Variants in LRRC7 observed in about 807,000 individuals in gnomAD.
LRRC7 encodes leucine rich repeat containing 7, also known as leucine-rich repeat-containing protein 7.
LRRC7 carries 23 observed loss-of-function variants against 175.7 expected under a neutral mutation model. The ratio of observed to expected loss-of-function variants is 0.13; its 90% CI spans 0.09 to 0.19. The LOEUF is 0.19. Ranked by LOEUF, LRRC7 falls within the 10% of genes least tolerant of loss-of-function variation. The pLI, the probability that LRRC7 is intolerant of heterozygous loss-of-function variation, is 1.00. For synonymous variants in LRRC7, 685 were observed against 680.9 expected (o/e 1.01, Z -0.09); for missense variants, 1,354 against 1,904.7 (o/e 0.71, Z 5.38).
chr1:70,017,062 G>C (rs951213042), intron 14 of LRRC7, among the ~76,000 whole-genome samples: 7 of 152,092 alleles, frequency 4.6e-5, no homozygotes, highest in African/African-American at 1.7e-4. Flanking sequence ...CAGATCACTT[G>C]AGGTCAGGAG....
intron 7 of LRRC7, among the ~76,000 whole-genome samples, chr1:69,855,380 T>C (rs1461860643): frequency 2.6e-5 from 4 of 152,200 alleles, no homozygotes; most frequent in Admixed American, 6.5e-5. Context: ...CATTTTGTTA[T>C]GTACCCAGTA....
At chr1:69,735,736 T>C (rs1668041020) in intron 2 of LRRC7, among the ~76,000 whole-genome samples, 1 of 152,108 alleles carries the variant, frequency 6.6e-6, no homozygotes, top group Admixed American at 6.6e-5. Context: ...ATCATTTTTC[T>C]ACATGGTATT....
At chr1:69,791,795 A>T (rs1000325747) in intron 3 of LRRC7, among the ~76,000 whole-genome samples, 2 of 151,952 alleles carry the variant, frequency 1.3e-5, no homozygotes, top group African/African-American at 4.8e-5. Flanking sequence ...TGAGAGTGGT[A>T]AAAGAAGGGG....
intron 3 of LRRC7, among the ~76,000 whole-genome samples, chr1:69,790,613 A>C (rs780794025): frequency 3.9e-5 from 6 of 151,970 alleles, no homozygotes; most frequent in Admixed American, 2.0e-4. Context: ...TCTGTAACTG[A>C]CCACACTGTA....
Position 69,615,666 on chromosome 1 carries a change from G to A in LRRC7, c.2+47025G>A, listed in dbSNP as rs549061195. 8.9e-4 allele frequency among the ~76,000 whole-genome samples: 135 copies of A among 152,018 alleles called. 1 individual carries two copies. In the Middle Eastern group the frequency reaches 0.024, roughly 27 times the overall value. ...TATATACATGCAATTTTATATACATGCATATACATATAATTGTTAATAAAG... is the reference window on the plus strand; with the variant it reads ...TATATACATGCAATTTTATATACATACATATACATATAATTGTTAATAAAG... On this transcript the variant is annotated intron_variant, in intron 1 of 26. Coordinates refer to ENST00000651989, the MANE Select transcript of LRRC7 (RefSeq NM_001370785.2).
intron 7 of LRRC7, among the ~76,000 whole-genome samples, chr1:69,898,417 ATAAC>A (rs1207030302): frequency 1.2e-4 from 19 of 152,384 alleles, no homozygotes; most frequent in African/African-American, 4.3e-4. Flanking sequence ...GTACCACACA[ATAAC>A]TAACTGTGAT....
chr1:69,889,638 C>G (rs1421214627), intron 7 of LRRC7, among the ~76,000 whole-genome samples: 2 of 152,170 alleles, frequency 1.3e-5, no homozygotes, highest in East Asian at 3.9e-4. Context: ...AAAGCTCTGT[C>G]TCTACAAAAA....
chr1:70,010,401 A>C (rs899376817), intron 11 of LRRC7, among the ~76,000 whole-genome samples: 1 of 152,096 alleles, frequency 6.6e-6, no homozygotes, highest in Non-Finnish European at 1.5e-5. Context: ...CCCCATCTCT[A>C]CTAAAAATAC....
Position 70,136,545 on chromosome 1 carries a change from A to T in LRRC7, c.*14658A>T, listed in dbSNP as rs1224535397. Among the ~76,000 whole-genome samples the T allele has an allele frequency of 6.6e-6, 1 of 152,140 alleles. No individual in the cohort carries two copies. The highest frequency in any genetic ancestry group is 1.5e-5 in the Non-Finnish European group (1 of 68,016). ...ATTATAAGAACAATGGAAGATATAAATAAGCCATGGTCCTACCCCTCAAGA... is the reference window on the plus strand; with the variant it reads ...ATTATAAGAACAATGGAAGATATAATTAAGCCATGGTCCTACCCCTCAAGA... On this transcript the variant is annotated 3_prime_UTR_variant, in exon 27 of 27. Transcript: ENST00000651989.
rs543521600 is a variant in LRRC7, at chr1:70,123,783, A to G, written c.*1896A>G. Among the ~76,000 whole-genome samples, 17 of 152,314 alleles carry G rather than the reference A, an allele frequency of 1.1e-4. No homozygotes were observed. The highest frequency in any genetic ancestry group is 3.8e-4 in the African/African-American group (16 of 41,586). ...AGCCACCATATCCAGATATTATAGG[A>G]TGATCATCATTAATCAAGACAGAGG... On this transcript the variant is annotated 3_prime_UTR_variant, in exon 27 of 27. Coordinates refer to ENST00000651989, the MANE Select transcript of LRRC7 (RefSeq NM_001370785.2).
chr1:70,085,245 A>G (rs1220170195), intron 24 of LRRC7, among the ~76,000 whole-genome samples: 1 of 152,104 alleles, frequency 6.6e-6, no homozygotes, highest in Non-Finnish European at 1.5e-5. Context: ...TTGTATTTTC[A>G]TCAAAGGGTT....
At chr1:69,658,319 T>C (rs1243922676) in intron 1 of LRRC7, among the ~76,000 whole-genome samples, 7 of 152,044 alleles carry the variant, frequency 4.6e-5, no homozygotes, top group Non-Finnish European at 1.0e-4. Context: ...ATTTGTTTTT[T>C]AAAATGGGAT....
chr1:69,828,755 T>TA (rs1680208473), intron 5 of LRRC7, among the ~76,000 whole-genome samples: 2 of 152,050 alleles, frequency 1.3e-5, no homozygotes, highest in South Asian at 4.1e-4. Context: ...TTAAGCTGCA[T>TA]AAATGAAGAT....
chr1:69,714,051 G>A (rs1665076346), intron 2 of LRRC7, among the ~76,000 whole-genome samples: 1 of 152,028 alleles, frequency 6.6e-6, no homozygotes, highest in Non-Finnish European at 1.5e-5. Flanking sequence ...GTCATATGCA[G>A]AGAGGTATGT....
intron 1 of LRRC7, among the ~76,000 whole-genome samples, chr1:69,630,072 T>C (rs1652237401): frequency 6.6e-6 from 1 of 152,174 alleles, no homozygotes; most frequent in African/African-American, 2.4e-5. Context: ...TTTCTCTGCC[T>C]GTGCATTAGA....
rs1256266083 is a variant in LRRC7, at chr1:69,886,642, G to A, written c.648-44865G>A. 5.4e-5 allele frequency among the ~76,000 whole-genome samples: 8 copies of A among 148,258 alleles called. 1 individual carries two copies. Among genetic ancestry groups the A allele is most frequent in the African/African-American group, 1.0e-4 (4 of 39,652 alleles). On this transcript the variant is annotated intron_variant, in intron 7 of 26. Transcript: ENST00000651989. The stretch of plus-strand genomic sequence containing the variant: ...ATTTAAAGTTAATATTGTTATGTGT[G>A]AATTTGATCCTGTCATTATGATGTT...
intron 11 of LRRC7, among the ~76,000 whole-genome samples, chr1:69,995,385 A>C (rs139663343): frequency 0.015 from 2,324 of 151,588 alleles, 56 homozygotes; most frequent in African/African-American, 0.052. Flanking sequence ...GTGAAGAATC[A>C]TATAAATTCT....
At chr1:69,593,766 T>A (rs1279004740) in intron 1 of LRRC7, among the ~76,000 whole-genome samples, 1 of 152,192 alleles carries the variant, frequency 6.6e-6, no homozygotes, top group Non-Finnish European at 1.5e-5. Context: ...AACAATAATT[T>A]GTGAGCTGGA....
At chr1:70,107,243 T>A (rs1014860840) in intron 25 of LRRC7, among the ~76,000 whole-genome samples, 1 of 152,240 alleles carries the variant, frequency 6.6e-6, no homozygotes, top group Non-Finnish European at 1.5e-5. Flanking sequence ...ATACATTTTA[T>A]ATTAAAATTC....
Sources: gnomAD v4.1 joint callset for allele counts (sites outside exome capture counted in the v4.1 genomes callset) on GRCh38, gnomAD v4.1.1 for gene constraint, MANE v1.5 for transcripts, NCBI Gene and HGNC (gene_info 2026-07-23, HGNC 2026-07-21) for gene names.